Variants in VPS8 observed in about 807,000 individuals in gnomAD.
VPS8 encodes VPS8 subunit of CORVET complex.
In VPS8, 129 loss-of-function variants were observed where a neutral mutation model predicts 216.4. The ratio of observed to expected loss-of-function variants is 0.60; its 90% CI spans 0.52 to 0.69. The LOEUF (loss-of-function observed/expected upper bound fraction) is 0.69, where lower values mean the gene tolerates loss of function less well. Ranked by LOEUF, VPS8 falls within the 30% of genes least tolerant of loss-of-function variation. The pLI, the probability that VPS8 is intolerant of heterozygous loss-of-function variation, is 0.00. For missense variants in VPS8, 1,531 were observed against 1,683.5 expected, an observed-to-expected ratio of 0.91 and a Z score of 1.59; for synonymous variants, 571 against 565.4, an observed-to-expected ratio of 1.01 and a Z score of -0.14.
At chr3:185,013,000 G>A (rs1198352894) in intron 45 of VPS8, among the ~76,000 whole-genome samples, 3 of 150,198 alleles carry the variant, frequency 2.0e-5, no homozygotes, top group Non-Finnish European at 4.4e-5. Flanking sequence ...TTTCCTACAG[G>A]AAATAAAGGG....
At chr3:185,025,678 T>C (rs1363464642) in intron 46 of VPS8, among the ~76,000 whole-genome samples, 1 of 152,164 alleles carries the variant, frequency 6.6e-6, no homozygotes, top group Non-Finnish European at 1.5e-5. Context: ...CGCAAAGAGC[T>C]GGGGGAGCCT....
intron 44 of VPS8, among the ~76,000 whole-genome samples, chr3:184,998,162 G>A (rs1305110516): frequency 6.6e-6 from 1 of 152,202 alleles, no homozygotes; most frequent in Non-Finnish European, 1.5e-5. Flanking sequence ...TAATGAAAGT[G>A]AGACTTTTAC....
rs753043335 is a variant in VPS8 at position 184,915,431 on chromosome 3, T to C, written c.2339T>C (p.Leu780Ser). The C allele has an allele frequency of 1.9e-6, 3 of 1,613,906 alleles. No individual in the cohort carries two copies. Among genetic ancestry groups the C allele is most frequent in the South Asian group, 2.2e-5 (2 of 91,076 alleles). ...EEEIYPYIRT[L>S]LHFDTREFLN... ...GAAATCTATCCTTACATTCGGACTT[T>C]GCTACATTTTGACACAAGAGAATTT... The change falls in exon 28 of 48, where the codon TTG (leucine) becomes TCG (serine). Residue 780 changes from leucine to serine, a missense_variant. This residue lies in a region of VPS8 where 1,318 missense variants were observed against 1,468.4 expected (regional missense o/e 0.90). Transcript: ENST00000625842.
chr3:184,958,332 T>C (rs750054356), intron 37 of VPS8, among the ~76,000 whole-genome samples: 2 of 152,176 alleles, frequency 1.3e-5, no homozygotes, highest in Non-Finnish European at 2.9e-5. Flanking sequence ...TAAGTGTGTT[T>C]CCGACAAAGG....
intron 47 of VPS8, among the ~76,000 whole-genome samples, chr3:185,050,346 G>A (rs1165073502): frequency 6.6e-6 from 1 of 152,136 alleles, no homozygotes; most frequent in African/African-American, 2.4e-5. Flanking sequence ...GAGTTACTGA[G>A]TTGTGAATGA....
In VPS8 at chr3:184,834,540, C is replaced by A; in HGVS notation, c.354-109C>A. 5.1e-6 allele frequency: 4 copies of A among 786,844 alleles called. No individual in the cohort carries two copies. The Middle Eastern group carries it at 1.0e-3, about 204-fold the overall frequency. 48.7% of individuals were successfully genotyped at this position (786,844 alleles called of 1,614,324 possible). On this transcript the variant is annotated intron_variant, in intron 4 of 47. Transcript: ENST00000625842. ...AAAAACAGATCTAACAAATTACATA[C>A]AATGTTGTCTTCTGCTTTTTGTGCG...
intron 25 of VPS8, among the ~76,000 whole-genome samples, chr3:184,907,025 G>A (rs1258639462): frequency 1.3e-5 from 2 of 152,168 alleles, no homozygotes; most frequent in African/African-American, 2.4e-5. Context: ...CAAGGTTAAG[G>A]ATGCACCCGT....
chr3:185,041,226 A>C (rs1384512362), intron 46 of VPS8, among the ~76,000 whole-genome samples: 1 of 152,038 alleles, frequency 6.6e-6, no homozygotes, highest in East Asian at 1.9e-4. Flanking sequence ...AAAAAAAGCC[A>C]AGGATAGAGC....
chr3:184,875,334 C>A lies in VPS8; in HGVS notation c.1734+4529C>A, dbSNP rs536730822. ...GGCTATTCACTATTTTTGCTTTTCT[C>A]CAAAGATCAATCAATATTTGTCCTG... On this transcript the variant is annotated intron_variant, in intron 21 of 47. Transcript: ENST00000625842. Among the ~76,000 whole-genome samples the A allele has an allele frequency of 5.3e-5, 8 of 152,076 alleles. No homozygotes were observed. In the South Asian group the frequency reaches 1.7e-3, roughly 32 times the overall value.
At chr3:184,930,853 T>C (rs961252542) in intron 34 of VPS8, among the ~76,000 whole-genome samples, 1 of 152,210 alleles carries the variant, frequency 6.6e-6, no homozygotes, top group African/African-American at 2.4e-5. Context: ...AGAGTACTGC[T>C]TGTCCTTTTT....
At chr3:184,906,874 T>G (rs1184895642) in intron 25 of VPS8, among the ~76,000 whole-genome samples, 1 of 152,208 alleles carries the variant, frequency 6.6e-6, no homozygotes, top group Non-Finnish European at 1.5e-5. Flanking sequence ...CAATTAATTG[T>G]GTTTTCTTTG....
intron 42 of VPS8, among the ~76,000 whole-genome samples, chr3:184,991,075 C>G (rs1751840952): frequency 6.6e-6 from 1 of 152,124 alleles, no homozygotes; most frequent in South Asian, 2.1e-4. Flanking sequence ...GAAAGGCAAA[C>G]AAATTATTTA....
At chr3:184,973,616 C>A (rs2109661309) in intron 40 of VPS8, among the ~76,000 whole-genome samples, 1 of 152,156 alleles carries the variant, frequency 6.6e-6, no homozygotes, top group East Asian at 1.9e-4. Context: ...CTATAATCAC[C>A]CTACTGTTTT....
rs138932854 is a variant in VPS8, at chr3:184,901,422, T to C, written c.2146+450T>C. On this transcript the variant is annotated intron_variant, in intron 25 of 47. Coordinates refer to ENST00000625842, the MANE Select transcript of VPS8 (RefSeq NM_001009921.3). ...GTTTAATCATTCACCACTTCATGGA[T>C]ATTTGAGTTGCTTTCAGTTTGGGAC... is the stretch of plus-strand genomic sequence containing the variant. 7.0e-4 allele frequency: 108 copies of C among 153,202 alleles called. 1 individual carries two copies. The highest frequency in any genetic ancestry group is 6.8e-3 in the Middle Eastern group (2 of 294). 9.5% of individuals were successfully genotyped at this position (153,202 alleles called of 1,614,324 possible). A position where few individuals can be genotyped will look rare whatever the true frequency, so the allele number is the denominator to read the frequency against.
intron 18 of VPS8, 181 bp downstream of exon 18, chr3:184,868,240 GT>G (rs1254166346): frequency 4.9e-6 from 3 of 608,464 alleles, no homozygotes; most frequent in African/African-American, 3.7e-5. Flanking sequence ...TTAGAATTAG[GT>G]TTGTCTACAT....
intron 21 of VPS8, among the ~76,000 whole-genome samples, chr3:184,880,933 T>C (rs955329998): frequency 6.6e-6 from 1 of 152,224 alleles, no homozygotes; most frequent in African/African-American, 2.4e-5. Flanking sequence ...CATCTTTTCA[T>C]GTGTTTATTT....
chr3:184,940,287 T>TATAC, intron 36 of VPS8, 44 bp downstream of exon 36: 1 of 801,902 alleles, frequency 1.2e-6, no homozygotes, highest in Non-Finnish European at 1.7e-6. Context: ...TATATATATA[T>TATAC]ATGAGAAATA....
intron 22 of VPS8, among the ~76,000 whole-genome samples, chr3:184,886,498 CATAT>C (rs201495867): frequency 6.7e-6 from 1 of 150,312 alleles, no homozygotes; most frequent in African/African-American, 2.5e-5. Flanking sequence ...TATACACACA[CATAT>C]ATATATACAC....
At chr3:184,826,050 T>A in intron 2 of VPS8, 113 bp from the exon 3 acceptor site, 1 of 709,240 alleles carries the variant, frequency 1.4e-6, no homozygotes, top group Non-Finnish European at 2.3e-6. Flanking sequence ...GAGTTGATCA[T>A]TTTGGTGGTA....
Sources: allele counts gnomAD v4.1 joint callset (sites outside exome capture counted in the v4.1 genomes callset), GRCh38; gene constraint gnomAD v4.1.1; regional missense constraint gnomAD v4.1.1; transcripts MANE v1.5; gene names NCBI Gene and HGNC (gene_info 2026-07-23, HGNC 2026-07-21).